IL1RAPL2: variants seen among roughly 807,000 people sequenced by gnomAD.
IL1RAPL2 encodes interleukin 1 receptor accessory protein like 2.
IL1RAPL2 carries 3 observed loss-of-function variants against 44.1 expected under a neutral mutation model. That is an observed-to-expected ratio of 0.07 (90% confidence interval 0.03 to 0.18). IL1RAPL2 has a LOEUF of 0.18. Among genes scored for constraint, IL1RAPL2 ranks in the 10% least tolerant of loss-of-function variants. The probability of loss-of-function intolerance (pLI) is 1.00; values close to 1 mark genes in which losing one functional copy is unlikely to be tolerated. For missense variants in IL1RAPL2, 391 were observed against 496.4 expected, an observed-to-expected ratio of 0.79 and a Z score of 2.02; for synonymous variants, 181 against 178.8, an observed-to-expected ratio of 1.01 and a Z score of -0.10.
chrX:104,586,870 T>C (rs1382835234), intron 1 of IL1RAPL2, among the ~76,000 whole-genome samples: 1 of 111,815 alleles, frequency 8.9e-6, no homozygotes, highest in African/African-American at 3.3e-5. Context: ...GGACTGAAAG[T>C]GTTTGACTAA....
intron 5 of IL1RAPL2, among the ~76,000 whole-genome samples, chrX:105,342,974 G>A (rs1257029205): frequency 9.0e-6 from 1 of 110,868 alleles, no homozygotes; most frequent in African/African-American, 3.3e-5. Context: ...TATCTTAAAA[G>A]GAAAACAGGG....
rs56979628 is a variant in IL1RAPL2 at position 105,412,306 on chromosome X, GTATATATATATATATA to G, written c.698-71988_698-71973del. ...GCAGATGAGTGATAAGAAAAATGTA[GTATATATATATATATA>G]TATATATATATATATATACAATGGA... On this transcript the variant is annotated intron_variant, in intron 5 of 10. Transcript: ENST00000372582. 2.0e-3 allele frequency among the ~76,000 whole-genome samples: 182 copies of G among 93,168 alleles called. 4 individuals carry two copies. The highest frequency in any genetic ancestry group is 6.1e-3 in the African/African-American group (169 of 27,511). The allele number at this position is 93,168 out of a possible 115,157, so 80.9% of individuals were successfully genotyped here. A position where few individuals can be genotyped will look rare whatever the true frequency, so the allele number is the denominator to read the frequency against.
chrX:104,680,405 T>G (rs1023846031), intron 2 of IL1RAPL2, among the ~76,000 whole-genome samples: 2 of 111,313 alleles, frequency 1.8e-5, no homozygotes, highest in Admixed American at 9.6e-5. Context: ...CATAAAATTT[T>G]CAAAGGGACA....
chrX:105,286,607 C>CT (rs34962051), intron 5 of IL1RAPL2, among the ~76,000 whole-genome samples: 82 of 103,771 alleles, frequency 7.9e-4, no homozygotes, highest in South Asian at 3.8e-3. Context: ...ACAAAACAGC[C>CT]TTTTTTTTTT....
chrX:105,555,753 C>T, intron 6 of IL1RAPL2, among the ~76,000 whole-genome samples: 1 of 112,143 alleles, frequency 8.9e-6, no homozygotes, highest in African/African-American at 3.2e-5. Flanking sequence ...TGGAGAAAAG[C>T]TTTTGAGATT....
intron 6 of IL1RAPL2, among the ~76,000 whole-genome samples, chrX:105,671,869 G>C (rs2037827404): frequency 9.0e-6 from 1 of 110,608 alleles, no homozygotes; most frequent in Admixed American, 9.7e-5. Context: ...CTACTGTCCA[G>C]AATGAGTAAT....
At chrX:104,931,074 G>A (rs1421635615) in intron 2 of IL1RAPL2, among the ~76,000 whole-genome samples, 1 of 110,707 alleles carries the variant, frequency 9.0e-6, no homozygotes, top group Non-Finnish European at 1.9e-5. Flanking sequence ...CTATTAGCTG[G>A]AAGATGTTGG....
chrX:104,631,265 T>A (rs930985225), intron 1 of IL1RAPL2, among the ~76,000 whole-genome samples: 1 of 112,195 alleles, frequency 8.9e-6, no homozygotes, highest in Admixed American at 9.5e-5. Flanking sequence ...TTGTTCCCAG[T>A]CTTTCCTATT....
At chrX:105,076,429 C>A (rs2032303623) in intron 2 of IL1RAPL2, among the ~76,000 whole-genome samples, 1 of 111,483 alleles carries the variant, frequency 9.0e-6, no homozygotes, top group South Asian at 3.8e-4. Flanking sequence ...AATTTCTGTT[C>A]TTTTACATTT....
At chrX:104,983,105 C>T (rs1169642283) in intron 2 of IL1RAPL2, among the ~76,000 whole-genome samples, 1 of 110,093 alleles carries the variant, frequency 9.1e-6, no homozygotes, top group Admixed American at 9.9e-5. Flanking sequence ...ACAACATATA[C>T]ATAGTCGAGA....
chrX:105,498,081 A>C (rs889034554), intron 6 of IL1RAPL2, among the ~76,000 whole-genome samples: 1 of 112,151 alleles, frequency 8.9e-6, no homozygotes, highest in South Asian at 3.7e-4. Flanking sequence ...AAAGAAAAAA[A>C]GGCATTCAAA....
chrX:104,732,888 G>A (rs5917132), intron 2 of IL1RAPL2, among the ~76,000 whole-genome samples: 39,922 of 110,196 alleles, frequency 0.36, 5,764 homozygotes, highest in East Asian at 0.47. Flanking sequence ...ATATCAGCAG[G>A]TTAAATCCAT....
rs990300996 is a variant in IL1RAPL2 at position 105,715,293 on chromosome X, G to C, written c.773-2074G>C. 3.6e-5 allele frequency among the ~76,000 whole-genome samples: 4 copies of C among 111,942 alleles called. No homozygotes were observed. In the Admixed American group the frequency reaches 3.8e-4, roughly 11 times the overall value. On this transcript the variant is annotated intron_variant, in intron 6 of 10. Transcript: ENST00000372582. ...CAAAGTGTGGGCCCAGGGAAGAAAGGATACATTAACAGTAACATTAATATA... is the reference window on the plus strand; with the variant it reads ...CAAAGTGTGGGCCCAGGGAAGAAAGCATACATTAACAGTAACATTAATATA...
At chrX:105,145,579 A>G (rs779586745) in intron 2 of IL1RAPL2, among the ~76,000 whole-genome samples, 3 of 111,797 alleles carry the variant, frequency 2.7e-5, no homozygotes, top group African/African-American at 9.8e-5. Context: ...AACACTTAAC[A>G]GATTCACCAG....
chrX:104,735,159 A>G (rs1931990985), intron 2 of IL1RAPL2, among the ~76,000 whole-genome samples: 1 of 112,000 alleles, frequency 8.9e-6, no homozygotes, highest in Non-Finnish European at 1.9e-5. Flanking sequence ...TTCAGCTGAC[A>G]TAAATATGAC....
At chrX:105,682,922 G>C (rs778856987) in intron 6 of IL1RAPL2, among the ~76,000 whole-genome samples, 1 of 112,159 alleles carries the variant, frequency 8.9e-6, no homozygotes, top group African/African-American at 3.2e-5. Context: ...CATGGTATTT[G>C]AACATTTAAG....
At chrX:105,523,715 G>A (rs752869110) in intron 6 of IL1RAPL2, among the ~76,000 whole-genome samples, 7 of 110,575 alleles carry the variant, frequency 6.3e-5, no homozygotes, top group South Asian at 3.8e-4. Context: ...AGGCCATTGC[G>A]TTTGATATCA....
Position 105,029,534 on chromosome X carries a change from G to A in IL1RAPL2, c.83-165941G>A, listed in dbSNP as rs1326394539. Among the ~76,000 whole-genome samples the A allele has an allele frequency of 5.6e-5, 6 of 106,365 alleles. No individual in the cohort carries two copies. The Admixed American group carries it at 6.2e-4, about 11-fold the overall frequency. The allele number at this position is 106,365 out of a possible 115,157, so 92.4% of individuals were successfully genotyped here. ...TTTTGTCCTTGTGATAGTTTGCTGA[G>A]AATGATGGTTTCCAGTTTCATCCAT... On this transcript the variant is annotated intron_variant, in intron 2 of 10. Transcript: ENST00000372582.
At chrX:104,632,217 C>A (rs1929667438) in intron 1 of IL1RAPL2, among the ~76,000 whole-genome samples, 1 of 111,433 alleles carries the variant, frequency 9.0e-6, no homozygotes, top group Non-Finnish European at 1.9e-5. Flanking sequence ...GTTTTGGTAC[C>A]AGTACCATGC....
Sources: gnomAD v4.1 joint callset for allele counts (sites outside exome capture counted in the v4.1 genomes callset) on GRCh38, gnomAD v4.1.1 for gene constraint, MANE v1.5 for transcripts, NCBI Gene and HGNC (gene_info 2026-07-23, HGNC 2026-07-21) for gene names.